CHN2: variants seen among roughly 807,000 people sequenced by gnomAD.
CHN2 encodes chimerin 2.
In CHN2, 35 loss-of-function variants were observed where a neutral mutation model predicts 56.3. The observed-to-expected ratio is 0.62, with a 90% CI of 0.47 to 0.82. The LOEUF is 0.82. CHN2 is among the 40% of genes least tolerant of loss of function. The probability of loss-of-function intolerance (pLI) is 0.00; values close to 1 mark genes in which losing one functional copy is unlikely to be tolerated. For synonymous variants in CHN2, 210 were observed against 212.8 expected, an observed-to-expected ratio of 0.99 and a Z score of 0.12; for missense variants, 491 against 580.5, an observed-to-expected ratio of 0.85 and a Z score of 1.58.
chr7:29,443,902 G>A (rs1051935318), intron 6 of CHN2, among the ~76,000 whole-genome samples: 1 of 152,134 alleles, frequency 6.6e-6, no homozygotes, highest in Non-Finnish European at 1.5e-5. Context: ...ACAAGAACTT[G>A]TTAGAACAAG....
intron 1 of CHN2, among the ~76,000 whole-genome samples, chr7:29,281,015 T>C (rs1450840487): frequency 6.6e-6 from 1 of 152,162 alleles, no homozygotes; most frequent in Non-Finnish European, 1.5e-5. Context: ...ATAAACACTA[T>C]TATATACATT....
intron 2 of CHN2, among the ~76,000 whole-genome samples, chr7:29,177,573 A>T (rs1469393823): frequency 2.2e-4 from 31 of 141,550 alleles, no homozygotes; most frequent in Non-Finnish European, 3.1e-4. Context: ...TTTTTTTTTT[A>T]ATTTACTGGC....
At chr7:29,476,741 G>C (rs1384851739) in intron 6 of CHN2, among the ~76,000 whole-genome samples, 4 of 152,012 alleles carry the variant, frequency 2.6e-5, no homozygotes, top group Admixed American at 2.0e-4. Flanking sequence ...TACATACTTA[G>C]GGGGAGGGGC....
At chr7:29,217,071 C>T (rs1785398811) in intron 1 of CHN2, among the ~76,000 whole-genome samples, 1 of 152,138 alleles carries the variant, frequency 6.6e-6, no homozygotes, top group Admixed American at 6.5e-5. Flanking sequence ...CAGCATTTTA[C>T]AGAAATAATG....
chr7:29,319,305 C>T (rs1180197322), intron 1 of CHN2, among the ~76,000 whole-genome samples: 4 of 152,114 alleles, frequency 2.6e-5, no homozygotes, highest in South Asian at 4.1e-4. Flanking sequence ...TAACACAGAT[C>T]GCTTTAAGTA....
At chr7:29,391,393 G>T (rs1213585239) in intron 3 of CHN2, among the ~76,000 whole-genome samples, 2 of 151,034 alleles carry the variant, frequency 1.3e-5, no homozygotes, top group Non-Finnish European at 3.0e-5. Context: ...AGGAAGGGAG[G>T]GGAGAAGAGA....
chr7:29,190,594 G>C (rs1195209310), upstream of CHN2, among the ~76,000 whole-genome samples: 1 of 152,216 alleles, frequency 6.6e-6, no homozygotes, highest in Non-Finnish European at 1.5e-5. Flanking sequence ...GCCGGTGAAG[G>C]AGGGTGGGGT....
At chr7:29,234,215 C>G (rs372545066) in intron 1 of CHN2, among the ~76,000 whole-genome samples, 25 of 151,980 alleles carry the variant, frequency 1.6e-4, no homozygotes, top group African/African-American at 4.8e-4. Context: ...TTTTAAGCCA[C>G]CAAGTATATG....
At chr7:29,434,446 C>T (rs192613815) in intron 6 of CHN2, among the ~76,000 whole-genome samples, 73 of 151,676 alleles carry the variant, frequency 4.8e-4, no homozygotes, top group African/African-American at 1.7e-3. Flanking sequence ...GGGCCATGCT[C>T]TCTCTGAAGG....
intron 6 of CHN2, among the ~76,000 whole-genome samples, chr7:29,472,291 A>ACACACACG (rs1255467633): frequency 2.0e-5 from 3 of 150,342 alleles, no homozygotes; most frequent in Admixed American, 6.6e-5. Flanking sequence ...ACACACACAC[A>ACACACACG]CACACACGCA....
upstream of CHN2, chr7:29,193,955 C>T (rs905469855): frequency 3.3e-5 from 5 of 152,358 alleles, no homozygotes; most frequent in African/African-American, 9.7e-5. Context: ...GTTGGCTTCC[C>T]GGGTGTTTTA....
intron 6 of CHN2, 83 bp from the exon 7 acceptor site, chr7:29,480,195 CT>C (rs1562641784): frequency 6.2e-7 from 1 of 1,612,482 alleles, no homozygotes; most frequent in Non-Finnish European, 8.5e-7. Context: ...ACGCCAAGAA[CT>C]GCTGGCCGTA....
intron 1 of CHN2, among the ~76,000 whole-genome samples, chr7:29,235,409 A>T (rs1026348296): frequency 6.6e-6 from 1 of 152,236 alleles, no homozygotes; most frequent in Non-Finnish European, 1.5e-5. Flanking sequence ...TATGAAGAAA[A>T]GGGAACACAT....
At chr7:29,175,270 G>A (rs1473654011) in intron 2 of CHN2, among the ~76,000 whole-genome samples, 1 of 151,836 alleles carries the variant, frequency 6.6e-6, no homozygotes, top group Non-Finnish European at 1.5e-5. Context: ...TGACTCCTGG[G>A]TTCAAGTGAT....
intron 6 of CHN2, among the ~76,000 whole-genome samples, chr7:29,451,131 C>T (rs1784376346): frequency 6.6e-6 from 1 of 152,116 alleles, no homozygotes; most frequent in South Asian, 2.1e-4. Context: ...CCCCCACCAC[C>T]ACCACATTAA....
intron 1 of CHN2, among the ~76,000 whole-genome samples, chr7:29,331,847 G>A (rs1585079368): frequency 1.3e-5 from 2 of 152,068 alleles, no homozygotes; most frequent in East Asian, 1.9e-4. Context: ...GGATCACGAG[G>A]TCAGGAGTTT....
At chr7:29,150,692 G>A (rs1403707451) in intron 2 of CHN2, among the ~76,000 whole-genome samples, 1 of 152,174 alleles carries the variant, frequency 6.6e-6, no homozygotes, top group Non-Finnish European at 1.5e-5. Context: ...AACCTTGTAG[G>A]CAATCATGCC....
chr7:29,290,646 T>C (rs1792525126), intron 1 of CHN2, among the ~76,000 whole-genome samples: 1 of 152,146 alleles, frequency 6.6e-6, no homozygotes, highest in African/African-American at 2.4e-5. Context: ...ACACAAGTAA[T>C]AAGATGATAT....
chr7:29,190,687 A>G (rs45173), upstream of CHN2, among the ~76,000 whole-genome samples: 26,025 of 152,166 alleles, frequency 0.17, 2,283 homozygotes, highest in African/African-American at 0.19. Flanking sequence ...CAAAGGTAGT[A>G]TCCTTACATG....
Sources: allele counts gnomAD v4.1 joint callset (sites outside exome capture counted in the v4.1 genomes callset), GRCh38; gene constraint gnomAD v4.1.1; transcripts MANE v1.5; gene names NCBI Gene and HGNC (gene_info 2026-07-23, HGNC 2026-07-21).